BBS7: variants seen among roughly 807,000 people sequenced by gnomAD.
BBS7 encodes BBSome complex member BBS7.
Under a neutral mutation model 90.3 loss-of-function variants are expected in BBS7, and 50 were observed. The ratio of observed to expected loss-of-function variants is 0.55; its 90% CI spans 0.44 to 0.70. The LOEUF (loss-of-function observed/expected upper bound fraction) is 0.70. BBS7 is among the 30% of genes least tolerant of loss of function. The pLI, the probability that BBS7 is intolerant of heterozygous loss-of-function variation, is 0.00. For synonymous variants in BBS7, 235 were observed against 287.4 expected (o/e 0.82, Z 1.85); for missense variants, 729 against 838.9 (o/e 0.87, Z 1.62).
intron 12 of BBS7, among the ~76,000 whole-genome samples, chr4:121,842,661 C>A (rs1725804852): frequency 6.6e-6 from 1 of 151,806 alleles, no homozygotes; most frequent in African/African-American, 2.4e-5. Flanking sequence ...TAACAAAAAC[C>A]AAATAAATAA....
rs778714139 is a variant in BBS7, at chr4:121,847,458, G to T, written c.983C>A (p.Pro328Gln). 1.5e-5 allele frequency: 24 copies of T among 1,613,716 alleles called. No individual in the cohort carries two copies. The highest frequency in any genetic ancestry group is 1.7e-5 in the Non-Finnish European group (20 of 1,179,830). ...TTEPIHKESGPGEELKINQEM... is the reference protein window; with the variant it reads ...TTEPIHKESGQGEELKINQEM... ...CTGATTAATTTTTAGTTCTTCTCCT[G>T]GTCCACTTTCCTTATGAATGGGCTC... The change falls in exon 10 of 19, where the codon CCA becomes CAA. Residue 328 changes from proline (P) to glutamine (Q), a missense_variant. Coordinates refer to ENST00000264499, the MANE Select transcript of BBS7 (RefSeq NM_176824.3).
At chr4:121,826,913 G>A (rs188056955) in intron 18 of BBS7, among the ~76,000 whole-genome samples, 55 of 152,276 alleles carry the variant, frequency 3.6e-4, no homozygotes, top group Non-Finnish European at 5.6e-4. Context: ...GAACCCAGGG[G>A]GCAGAGGCTG....
chr4:121,868,920 T>C (rs946514035), intron 1 of BBS7, among the ~76,000 whole-genome samples: 1 of 152,136 alleles, frequency 6.6e-6, no homozygotes, highest in African/African-American at 2.4e-5. Context: ...ATAGTATAAA[T>C]GACTTTATTC....
Position 121,839,531 on chromosome 4 carries a change from G to A in BBS7, c.1371+100C>T. The A allele has an allele frequency of 3.0e-6, 3 of 1,014,722 alleles. No individual in the cohort carries two copies. In the Admixed American group the frequency reaches 5.9e-5, roughly 20 times the overall value. 62.9% of individuals were successfully genotyped at this position (1,014,722 alleles called of 1,614,324 possible). On this transcript the variant is annotated intron_variant, in intron 13 of 18. Transcript: ENST00000264499. ...TACTCCAAACAATTCATTTCAGGGAGAAATTAAATGCAAACAAATAATATC... is the reference window on the plus strand; with the variant it reads ...TACTCCAAACAATTCATTTCAGGGAAAAATTAAATGCAAACAAATAATATC...
chr4:121,864,850 T>C (rs901623908), intron 2 of BBS7, among the ~76,000 whole-genome samples: 2 of 152,206 alleles, frequency 1.3e-5, no homozygotes, highest in African/African-American at 4.8e-5. Flanking sequence ...CTGATCACAC[T>C]GGGATAATTA....
intron 4 of BBS7, among the ~76,000 whole-genome samples, chr4:121,860,113 T>C (rs1221918336): frequency 2.0e-5 from 3 of 152,102 alleles, no homozygotes; most frequent in African/African-American, 4.8e-5. Context: ...TTTCTATTCT[T>C]CAGTTATTAA....
intron 8 of BBS7, among the ~76,000 whole-genome samples, chr4:121,851,235 G>C (rs1056674999): frequency 6.6e-6 from 1 of 151,952 alleles, no homozygotes; most frequent in African/African-American, 2.4e-5. Flanking sequence ...TTTACAAACT[G>C]TTCATTTCCT....
rs367810826 is a variant in BBS7 at position 121,829,927 on chromosome 4, CTTTTAAGT to C, written c.1677-1207_1677-1200del. ...GTGCGTGAGGCAGATTACTGCTAGA[CTTTTAAGT>C]TATGTGAGCCGATAAATTTATTTTA... On this transcript the variant is annotated intron_variant, in intron 15 of 18. Coordinates refer to ENST00000264499, the MANE Select transcript of BBS7 (RefSeq NM_176824.3). Among the ~76,000 whole-genome samples the C allele has an allele frequency of 5.9e-3, 900 of 152,278 alleles. 11 individuals carry two copies. The highest frequency in any genetic ancestry group is 0.021 in the African/African-American group (858 of 41,558).
At chr4:121,834,032 C>G (rs776114148) in intron 14 of BBS7, among the ~76,000 whole-genome samples, 7 of 151,998 alleles carry the variant, frequency 4.6e-5, no homozygotes, top group Non-Finnish European at 1.0e-4. Context: ...ATAATACCTT[C>G]TATCTTCCTG....
intron 13 of BBS7, among the ~76,000 whole-genome samples, chr4:121,836,106 C>A (rs1305573545): frequency 6.6e-6 from 1 of 152,120 alleles, no homozygotes; most frequent in Admixed American, 6.5e-5. Context: ...CATATTTGGA[C>A]TGGAAATTCT....
intron 15 of BBS7, among the ~76,000 whole-genome samples, chr4:121,829,347 G>A (rs2149049552): frequency 6.6e-6 from 1 of 151,094 alleles, no homozygotes; most frequent in Admixed American, 6.6e-5. Flanking sequence ...CGATTCTCCT[G>A]CCTCAGCCTC....
chr4:121,850,527 C>G (rs1726262573), intron 8 of BBS7, among the ~76,000 whole-genome samples: 1 of 152,040 alleles, frequency 6.6e-6, no homozygotes. Flanking sequence ...GGAAAGCAAG[C>G]AATATAAATT....
chr4:121,863,182 A>G (rs776784419), intron 3 of BBS7, 35 bp downstream of exon 3: 2 of 1,602,056 alleles, frequency 1.2e-6, no homozygotes, highest in African/African-American at 2.7e-5. Flanking sequence ...TCTCTTTTAG[A>G]AAACCATTTT....
At position 121,833,515 on chromosome 4, in the gene BBS7, T is replaced by C. The variant is rs1725302499; in HGVS notation, c.1512-120A>G. 2.8e-5 allele frequency: 27 copies of C among 954,202 alleles called. No individual in the cohort carries two copies. In the South Asian group the frequency reaches 3.9e-4, roughly 14 times the overall value. The allele number at this position is 954,202 out of a possible 1,614,324, so 59.1% of individuals were successfully genotyped here. ...AAATATAAATGAAAACATTCAATTT[T>C]CTCAGATTAATCTTATACGTCAAAT... is the stretch of plus-strand genomic sequence containing the variant. On this transcript the variant is annotated intron_variant, in intron 14 of 18. Transcript: ENST00000264499.
chr4:121,865,602 T>C (rs1485139450), intron 2 of BBS7, among the ~76,000 whole-genome samples: 1 of 152,224 alleles, frequency 6.6e-6, no homozygotes, highest in African/African-American at 2.4e-5. Flanking sequence ...CTTTTTTTTA[T>C]ACATTCATCT....
intron 15 of BBS7, among the ~76,000 whole-genome samples, chr4:121,832,677 A>G (rs1725258390): frequency 6.6e-6 from 1 of 152,236 alleles, no homozygotes; most frequent in East Asian, 1.9e-4. Context: ...TAGCTACAAA[A>G]AGCCTGCATT....
At position 121,827,997 on chromosome 4, in the gene BBS7, T is replaced by C. The variant is rs962187041; in HGVS notation, c.2014+149A>G. ...CAAAATACAGAAATATTCTGTGCAA[T>C]AAATTTGTTGTCAACTGATTCATGA... is the stretch of plus-strand genomic sequence containing the variant. On this transcript the variant is annotated intron_variant, in intron 18 of 18. Coordinates refer to ENST00000264499, the MANE Select transcript of BBS7 (RefSeq NM_176824.3). 13 of 1,478,042 alleles carry C rather than the reference T, an allele frequency of 8.8e-6. No individual in the cohort carries two copies. In the Admixed American group the frequency reaches 2.0e-4, roughly 23 times the overall value. 91.6% of individuals were successfully genotyped at this position (1,478,042 alleles called of 1,614,324 possible). A position where few individuals can be genotyped will look rare whatever the true frequency, so the allele number is the denominator to read the frequency against.
At chr4:121,849,701 G>A (rs1354188025) in intron 8 of BBS7, among the ~76,000 whole-genome samples, 7 of 152,166 alleles carry the variant, frequency 4.6e-5, no homozygotes, top group East Asian at 3.9e-4. Context: ...GTGGTGGCGC[G>A]TGCCTGTACT....
rs1396729557 is a variant in BBS7, at chr4:121,870,324, CG to C, written c.-12del. 1.2e-6 allele frequency: 2 copies of C among 1,614,126 alleles called. No individual in the cohort carries two copies. The highest frequency in any genetic ancestry group is 2.7e-5 in the African/African-American group (2 of 75,042). On this transcript the variant is annotated 5_prime_UTR_variant, in exon 1 of 19. Coordinates refer to ENST00000264499, the MANE Select transcript of BBS7 (RefSeq NM_176824.3). ...TAAAATCAGATCCATGATGACTACG[CG>C]GAGGGGCTAAGCAGCGCCGGACAAG...
Sources: allele counts gnomAD v4.1 joint callset (sites outside exome capture counted in the v4.1 genomes callset), GRCh38; gene constraint gnomAD v4.1.1; transcripts MANE v1.5; gene names NCBI Gene and HGNC (gene_info 2026-07-23, HGNC 2026-07-21).